Variants in DOCK8 observed in about 807,000 individuals in gnomAD.
DOCK8 encodes dedicator of cytokinesis protein 8.
In DOCK8, 141 loss-of-function variants were observed where a neutral mutation model predicts 245.6. The ratio of observed to expected loss-of-function variants is 0.57; its 90% CI spans 0.50 to 0.66. The LOEUF is 0.66. DOCK8 is among the 30% of genes least tolerant of loss of function. The pLI, the probability that DOCK8 is intolerant of heterozygous loss-of-function variation, is 0.00. For missense variants in DOCK8, 2,965 were observed against 2,603.4 expected (o/e 1.14, Z -3.02); for synonymous variants, 1,168 against 970.2 (o/e 1.20, Z -3.79).
At chr9:417,407 G>A (rs918764890) in intron 29 of DOCK8, among the ~76,000 whole-genome samples, 10 of 152,194 alleles carry the variant, frequency 6.6e-5, no homozygotes, top group African/African-American at 2.4e-4. Flanking sequence ...ATGTCAACAG[G>A]TCTAGAAAAA....
At chr9:329,965 G>A (rs2050933770) in intron 9 of DOCK8, among the ~76,000 whole-genome samples, 1 of 152,190 alleles carries the variant, frequency 6.6e-6, no homozygotes, top group Non-Finnish European at 1.5e-5. Flanking sequence ...TTATCGTAAT[G>A]CCATCATTGT....
chr9:423,122 C>T (rs923116649), intron 33 of DOCK8, among the ~76,000 whole-genome samples: 1 of 151,622 alleles, frequency 6.6e-6, no homozygotes, highest in South Asian at 2.1e-4. Flanking sequence ...TTGATGTTTT[C>T]TCTTTTATAC....
chr9:216,503 G>A (rs1353783750), intron 1 of DOCK8, among the ~76,000 whole-genome samples: 1 of 137,628 alleles, frequency 7.3e-6, no homozygotes, highest in Non-Finnish European at 1.5e-5. Flanking sequence ...TTCCAGCCTG[G>A]GTGAGAGAGT....
intron 46 of DOCK8, 125 bp downstream of exon 46, chr9:452,242 C>A: frequency 1.5e-6 from 1 of 670,210 alleles, no homozygotes. Flanking sequence ...CCCTCCAGAC[C>A]TGCTGAATTG....
rs185402581 is a variant in DOCK8, at chr9:419,789, T to C, written c.3841-612T>C. On this transcript the variant is annotated intron_variant, in intron 30 of 47. Coordinates refer to ENST00000432829, the MANE Select transcript of DOCK8 (RefSeq NM_203447.4). ...CTTGTGGCCAAAATATTAAAGCAAATAGCCTGAACCCCCACACCCCAGCCC... is the reference window on the plus strand; with the variant it reads ...CTTGTGGCCAAAATATTAAAGCAAACAGCCTGAACCCCCACACCCCAGCCC... 7.4e-3 allele frequency among the ~76,000 whole-genome samples: 1,129 copies of C among 152,238 alleles called. 6 individuals carry two copies. The highest frequency in any genetic ancestry group is 0.011 in the Non-Finnish European group (727 of 68,018).
intron 12 of DOCK8, among the ~76,000 whole-genome samples, chr9:338,664 T>C (rs1321422802): frequency 6.6e-6 from 1 of 152,036 alleles, no homozygotes; most frequent in Non-Finnish European, 1.5e-5. Flanking sequence ...AGTAAACTTA[T>C]TCTGTATTGT....
chr9:390,516 A>C lies in DOCK8; in HGVS notation c.2920A>C (p.Met974Leu). Residue 974 changes from methionine to leucine, a missense_variant, in exon 24 of 48, where the codon ATG becomes CTG. Physicochemically the swap from Met to Leu is conservative, Grantham distance 15. Coordinates refer to ENST00000432829, the MANE Select transcript of DOCK8 (RefSeq NM_203447.4). ...CCTTCAGATGGTGGTCAGCACCGGA[A>C]TGGTGAGAGAAACAGTCTTCAAGTA... ...LALQMVVSTG[M>L]VRETVFKYAW... is the part of the protein sequence containing the mutation. 6.2e-7 allele frequency: 1 copy of C among 1,614,210 alleles called. No homozygotes were observed. The highest frequency in any genetic ancestry group is 1.1e-5 in the South Asian group (1 of 91,088).
At chr9:428,976 A>G (rs1398772784) in intron 35 of DOCK8, among the ~76,000 whole-genome samples, 2 of 152,008 alleles carry the variant, frequency 1.3e-5, no homozygotes, top group African/African-American at 2.4e-5. Context: ...TTATTTATTT[A>G]TTTATTTTTG....
chr9:344,918 G>A (rs1411370673), intron 14 of DOCK8, among the ~76,000 whole-genome samples: 2 of 152,134 alleles, frequency 1.3e-5, no homozygotes, highest in Non-Finnish European at 2.9e-5. Context: ...TGGGCGTGGT[G>A]GTGGGTGCCT....
intron 29 of DOCK8, among the ~76,000 whole-genome samples, chr9:417,402 A>C (rs2056074314): frequency 1.3e-5 from 2 of 152,258 alleles, no homozygotes; most frequent in Non-Finnish European, 2.9e-5. Context: ...CTGTAATGTC[A>C]ACAGGTCTAG....
intron 3 of DOCK8, 152 bp downstream of exon 3, chr9:286,788 G>A (rs2048842080): frequency 1.2e-6 from 1 of 807,556 alleles, no homozygotes; most frequent in Non-Finnish European, 2.0e-6. Context: ...ATATCATCAT[G>A]TAAGTATAGA....
At chr9:330,189 G>A (rs1472281108) in intron 9 of DOCK8, among the ~76,000 whole-genome samples, 2 of 152,050 alleles carry the variant, frequency 1.3e-5, no homozygotes, top group Non-Finnish European at 2.9e-5. Context: ...TTTAATTCAA[G>A]ATTTTGTGAA....
chr9:464,107 T>C (rs1332479756), intron 47 of DOCK8, 52 bp from the exon 48 acceptor site: 5 of 1,487,342 alleles, frequency 3.4e-6, no homozygotes, highest in Middle Eastern at 1.7e-4. Context: ...TGATCTTTTC[T>C]TGCTTCTGTA....
intron 6 of DOCK8, chr9:312,678 C>A (rs1198128213): frequency 2.9e-6 from 1 of 341,498 alleles, no homozygotes; most frequent in African/African-American, 2.2e-5. Context: ...ACTTTGGGAT[C>A]TTGATTGTTT....
At chr9:340,826 A>G (rs2051550924) in intron 14 of DOCK8, among the ~76,000 whole-genome samples, 1 of 152,214 alleles carries the variant, frequency 6.6e-6, no homozygotes, top group Non-Finnish European at 1.5e-5. Flanking sequence ...TTAACAAGAA[A>G]GGGTTACTTC....
At chr9:268,485 G>C (rs528980769) in intron 1 of DOCK8, among the ~76,000 whole-genome samples, 8 of 152,184 alleles carry the variant, frequency 5.3e-5, no homozygotes, top group African/African-American at 1.9e-4. Flanking sequence ...TAGGACAACA[G>C]ATCTTGCTTC....
At chr9:280,707 G>A (rs1404521802) in intron 2 of DOCK8, 1 of 152,200 alleles carries the variant, frequency 6.6e-6, no homozygotes, top group Non-Finnish European at 1.5e-5. Flanking sequence ...TCCCTTCACA[G>A]AAGCACCTAA....
chr9:377,377 C>G (rs150666959), intron 20 of DOCK8, among the ~76,000 whole-genome samples, 166 bp downstream of exon 20: 3 of 151,858 alleles, frequency 2.0e-5, no homozygotes, highest in African/African-American at 7.2e-5. Context: ...TTTTGAGACT[C>G]TCTGCATGTT....
intron 3 of DOCK8, among the ~76,000 whole-genome samples, chr9:289,249 G>A (rs1323018195): frequency 6.6e-6 from 1 of 152,120 alleles, no homozygotes; most frequent in East Asian, 1.9e-4. Context: ...AATGCCTTCG[G>A]GGATAGTTAT....
Sources: gnomAD v4.1 joint callset for allele counts (sites outside exome capture counted in the v4.1 genomes callset) on GRCh38, gnomAD v4.1.1 for gene constraint, MANE v1.5 for transcripts, NCBI Gene and HGNC (gene_info 2026-07-23, HGNC 2026-07-21) for gene names.